Variants in PCDH15 observed in about 807,000 individuals in gnomAD.
The protein encoded by PCDH15 is protocadherin-15.
PCDH15 carries 129 observed loss-of-function variants against 178.5 expected under a neutral mutation model. That is an observed-to-expected ratio of 0.72 (90% CI 0.63 to 0.84). The LOEUF (loss-of-function observed/expected upper bound fraction) is 0.84. PCDH15 is among the 40% of genes least tolerant of loss of function. The probability of loss-of-function intolerance (pLI) is 0.00; values close to 1 mark genes in which losing one functional copy is unlikely to be tolerated. For synonymous variants in PCDH15, 800 were observed against 732.0 expected, an observed-to-expected ratio of 1.09 and a Z score of -1.50; for missense variants, 2,230 against 2,099.9, an observed-to-expected ratio of 1.06 and a Z score of -1.21.
At chr10:55,197,867 A>T (rs1840137424) in intron 1 of PCDH15, among the ~76,000 whole-genome samples, 1 of 152,148 alleles carries the variant, frequency 6.6e-6, no homozygotes, top group Non-Finnish European at 1.5e-5. Flanking sequence ...CTTATATATC[A>T]ATGTTTCATA....
At chr10:53,905,559 A>G (rs569322184) in intron 25 of PCDH15, among the ~76,000 whole-genome samples, 1 of 151,070 alleles carries the variant, frequency 6.6e-6, no homozygotes, top group South Asian at 2.1e-4. Flanking sequence ...CTTGTCTCGA[A>G]CTCCTGACCT....
intron 26 of PCDH15, among the ~76,000 whole-genome samples, chr10:53,883,353 T>C (rs1277507158): frequency 6.6e-6 from 1 of 152,166 alleles, no homozygotes; most frequent in African/African-American, 2.4e-5. Context: ...ACAGAAAGAG[T>C]AGGATAAAAA....
chr10:55,581,958 C>T (rs545750060), intron 2 of PCDH15, among the ~76,000 whole-genome samples: 2 of 152,248 alleles, frequency 1.3e-5, no homozygotes, highest in South Asian at 4.1e-4. Flanking sequence ...AAACAATTCT[C>T]CTGCCTCAGC....
chr10:54,758,954 G>A (rs1947517137), intron 1 of PCDH15, among the ~76,000 whole-genome samples: 1 of 151,878 alleles, frequency 6.6e-6, no homozygotes, highest in African/African-American at 2.4e-5. Context: ...GGCTTCTTCT[G>A]TCCTCTCATT....
At chr10:53,929,597 A>G (rs2610841) in intron 25 of PCDH15, among the ~76,000 whole-genome samples, 7,161 of 152,222 alleles carry the variant, frequency 0.047, 505 homozygotes, top group African/African-American at 0.16. Context: ...AAGTCAGTCA[A>G]TCATAGGTAA....
At chr10:54,189,278 T>C in intron 11 of PCDH15, 1 of 1,028,192 alleles carries the variant, frequency 9.7e-7, no homozygotes, top group Non-Finnish European at 1.5e-6. Context: ...AATACCTACG[T>C]GTTTTAGTGA....
intron 3 of PCDH15, among the ~76,000 whole-genome samples, chr10:54,847,608 T>C (rs900725307): frequency 1.1e-4 from 16 of 152,150 alleles, no homozygotes; most frequent in Non-Finnish European, 2.2e-4. Context: ...CACCACACAA[T>C]ACACTTCAGG....
At chr10:54,951,996 T>C (rs1838355679) in intron 2 of PCDH15, among the ~76,000 whole-genome samples, 1 of 151,888 alleles carries the variant, frequency 6.6e-6, no homozygotes, top group African/African-American at 2.4e-5. Context: ...GTGGCTTCTC[T>C]TTTCATTCTT....
chr10:54,177,548 T>G (rs2047552988), intron 13 of PCDH15, among the ~76,000 whole-genome samples: 1 of 151,770 alleles, frequency 6.6e-6, no homozygotes, highest in African/African-American at 2.4e-5. Flanking sequence ...GAAATCACTG[T>G]ATCTTCCTCT....
chr10:54,005,515 C>T (rs1314830973), intron 20 of PCDH15, among the ~76,000 whole-genome samples: 1 of 152,014 alleles, frequency 6.6e-6, no homozygotes, highest in African/African-American at 2.4e-5. Flanking sequence ...ACAAAAATTT[C>T]TCAAAAGAAG....
intron 2 of PCDH15, among the ~76,000 whole-genome samples, chr10:55,045,807 T>C (rs969468855): frequency 2.0e-5 from 3 of 151,980 alleles, no homozygotes; most frequent in African/African-American, 7.2e-5. Flanking sequence ...GGAGAAAAAT[T>C]CAGAGATACT....
chr10:54,020,524 G>C, intron 19 of PCDH15, 108 bp from the exon 20 acceptor site: 1 of 1,047,674 alleles, frequency 9.5e-7, no homozygotes, highest in Non-Finnish European at 1.4e-6. Flanking sequence ...ATTTAACGAG[G>C]ACAAAAAGAC....
intron 9 of PCDH15, among the ~76,000 whole-genome samples, chr10:54,235,869 A>G (rs760924469): frequency 6.6e-6 from 1 of 152,196 alleles, no homozygotes; most frequent in Non-Finnish European, 1.5e-5. Flanking sequence ...TTTTTTACAA[A>G]TATAAAAGTC....
chr10:53,829,502 G>C (rs551855384), intron 30 of PCDH15, among the ~76,000 whole-genome samples: 45 of 152,236 alleles, frequency 3.0e-4, no homozygotes, highest in African/African-American at 1.0e-3. Context: ...AAGATAACTG[G>C]TAATACGGAA....
intron 2 of PCDH15, among the ~76,000 whole-genome samples, chr10:54,984,813 G>C (rs1235747604): frequency 6.6e-6 from 1 of 152,130 alleles, no homozygotes; most frequent in African/African-American, 2.4e-5. Flanking sequence ...GTCCAGCCTG[G>C]GCCACAGAGT....
At chr10:54,575,642 A>G (rs2133682149) in intron 2 of PCDH15, among the ~76,000 whole-genome samples, 1 of 149,346 alleles carries the variant, frequency 6.7e-6, no homozygotes, top group East Asian at 2.0e-4. Context: ...GGCTTACTCT[A>G]CAGTGCAGGT....
At chr10:54,600,976 C>A (rs2092499163) in intron 2 of PCDH15, among the ~76,000 whole-genome samples, 1 of 151,822 alleles carries the variant, frequency 6.6e-6, no homozygotes. Flanking sequence ...CCAACTGAGC[C>A]AAAAACAATA....
chr10:54,861,617 A>G (rs970731215), intron 3 of PCDH15, among the ~76,000 whole-genome samples: 12 of 152,210 alleles, frequency 7.9e-5, no homozygotes, highest in African/African-American at 2.4e-4. Flanking sequence ...AGTTTAAAGT[A>G]TTCCCTCAAA....
intron 21 of PCDH15, 60 bp from the exon 22 acceptor site, chr10:53,961,952 T>C (rs772977037): frequency 7.8e-6 from 10 of 1,286,788 alleles, no homozygotes; most frequent in Non-Finnish European, 1.0e-5. Flanking sequence ...AGTGCAATGA[T>C]AATATTAAAT....
Sources: gnomAD v4.1 joint callset for allele counts (sites outside exome capture counted in the v4.1 genomes callset) on GRCh38, gnomAD v4.1.1 for gene constraint, MANE v1.5 for transcripts, NCBI Gene and HGNC (gene_info 2026-07-23, HGNC 2026-07-21) for gene names.